Variants in ATP2C2 observed in about 807,000 individuals in gnomAD.
ATP2C2 encodes calcium-transporting ATPase type 2C member 2.
Under a neutral mutation model 110.8 loss-of-function variants are expected in ATP2C2, and 171 were observed. The ratio of observed to expected loss-of-function variants is 1.54; its 90% confidence interval spans 1.36 to 1.75. The LOEUF (loss-of-function observed/expected upper bound fraction) is 1.75. Ranked by LOEUF, ATP2C2 falls within the 40% of genes most tolerant of loss-of-function variation. The probability of loss-of-function intolerance (pLI) is 0.00; values close to 1 mark genes in which losing one functional copy is unlikely to be tolerated. For missense variants in ATP2C2, 1,963 were observed against 1,235.0 expected (o/e 1.59, Z -8.84); for synonymous variants, 804 against 508.4 (o/e 1.58, Z -7.82).
chr16:84,425,821 C>A lies in ATP2C2; in HGVS notation c.986+20C>A. The stretch of plus-strand genomic sequence containing the variant: ...GGTCAGGTAAGAGTGCTATGGCCGC[C>A]CCTTGCCTTGCCAGGGTGGTCAATG... On this transcript the variant is annotated intron_variant, in intron 11 of 26. Coordinates refer to ENST00000262429, the MANE Select transcript of ATP2C2 (RefSeq NM_014861.4). The A allele has an allele frequency of 6.2e-7, 1 of 1,613,582 alleles. No individual in the cohort carries two copies. Among genetic ancestry groups the A allele is most frequent in the Non-Finnish European group, 8.5e-7 (1 of 1,179,552 alleles).
At chr16:84,461,605 G>C (rs575675686) in intron 24 of ATP2C2, 109 bp from the exon 25 acceptor site, 14 of 951,072 alleles carry the variant, frequency 1.5e-5, no homozygotes, top group African/African-American at 1.4e-4. Context: ...GAGCTTGTAA[G>C]TGGCTCCCAG....
intron 21 of ATP2C2, among the ~76,000 whole-genome samples, chr16:84,456,499 A>T (rs1910800794): frequency 7.6e-6 from 1 of 132,074 alleles, no homozygotes; most frequent in Non-Finnish European, 1.6e-5. Context: ...CAGGGCAATC[A>T]GGCAGGAGAA....
chr16:84,394,783 G>T (rs1339872850), intron 1 of ATP2C2, among the ~76,000 whole-genome samples: 1 of 152,082 alleles, frequency 6.6e-6, no homozygotes, highest in African/African-American at 2.4e-5. Context: ...TCTCCACATG[G>T]ACTTCCCTGT....
chr16:84,380,336 C>T lies in ATP2C2; in HGVS notation c.99+11622C>T, dbSNP rs111323347. On this transcript the variant is annotated intron_variant, in intron 1 of 26. Transcript: ENST00000262429. ...TGTTTATCTACTATCTTGTGTGAAC[C>T]GGGAATTGTATGTTTTTTTTCTTCT... Among the ~76,000 whole-genome samples, 154 of 152,198 alleles carry T rather than the reference C, an allele frequency of 1.0e-3. 1 individual carries two copies. The highest frequency in any genetic ancestry group is 3.5e-3 in the African/African-American group (144 of 41,530).
Position 84,368,553 on chromosome 16 carries a change from G to A in ATP2C2, c.-63G>A, listed in dbSNP as rs1435602218. 3 of 1,322,432 alleles carry A rather than the reference G, an allele frequency of 2.3e-6. No homozygotes were observed. Among genetic ancestry groups the A allele is most frequent in the African/African-American group, 3.1e-5 (2 of 64,198 alleles). The allele number at this position is 1,322,432 out of a possible 1,614,324, so 81.9% of individuals were successfully genotyped here. A position where few individuals can be genotyped will look rare whatever the true frequency, so the allele number is the denominator to read the frequency against. ...GGTCCGGCCCAGGAGGCTTGGGCGCGCGCAGCCATCCCGGGCCTCGCCGGG... is the reference window on the plus strand; with the variant it reads ...GGTCCGGCCCAGGAGGCTTGGGCGCACGCAGCCATCCCGGGCCTCGCCGGG... On this transcript the variant is annotated 5_prime_UTR_variant, in exon 1 of 27. Transcript: ENST00000262429.
intron 24 of ATP2C2, chr16:84,461,286 T>C (rs2150600917): frequency 3.4e-6 from 1 of 294,910 alleles, no homozygotes. Context: ...ACACCACAGA[T>C]TGCCCATGTG....
chr16:84,409,373 A>C (rs1228915097), intron 4 of ATP2C2, among the ~76,000 whole-genome samples: 1 of 152,202 alleles, frequency 6.6e-6, no homozygotes, highest in Non-Finnish European at 1.5e-5. Flanking sequence ...TGGGTGCAGC[A>C]AACCAGCGTG....
chr16:84,390,005 G>A (rs1019490368), intron 1 of ATP2C2, among the ~76,000 whole-genome samples: 1 of 152,136 alleles, frequency 6.6e-6, no homozygotes, highest in Non-Finnish European at 1.5e-5. Flanking sequence ...TTACAGGCCT[G>A]AGCCACCATG....
chr16:84,443,686 C>G (rs1177761110), intron 15 of ATP2C2, among the ~76,000 whole-genome samples: 1 of 152,170 alleles, frequency 6.6e-6, no homozygotes, highest in Non-Finnish European at 1.5e-5. Context: ...GCTTACCTGT[C>G]CCATCACTGA....
chr16:84,404,598 C>G (rs547553537), intron 2 of ATP2C2: 1 of 254,578 alleles, frequency 3.9e-6, no homozygotes, highest in African/African-American at 2.3e-5. Context: ...TCATTCATCC[C>G]TTGAAAGATT....
intron 5 of ATP2C2, 42 bp downstream of exon 5, chr16:84,410,645 G>T (rs1906195082): frequency 1.2e-6 from 2 of 1,613,810 alleles, no homozygotes; most frequent in Middle Eastern, 1.6e-4. Flanking sequence ...AGCTGGGCGG[G>T]ACAGGAGCTT....
At chr16:84,437,004 G>A (rs887980258) in intron 11 of ATP2C2, among the ~76,000 whole-genome samples, 3 of 151,440 alleles carry the variant, frequency 2.0e-5, no homozygotes, top group Non-Finnish European at 2.9e-5. Flanking sequence ...TCAGGTGATC[G>A]AGGCGCCTCA....
intron 1 of ATP2C2, among the ~76,000 whole-genome samples, chr16:84,381,558 C>CAG (rs1910580202): frequency 6.6e-6 from 1 of 151,950 alleles, no homozygotes; most frequent in Non-Finnish European, 1.5e-5. Context: ...GCCTGGACGA[C>CAG]AGAGCAAGAC....
intron 3 of ATP2C2, among the ~76,000 whole-genome samples, chr16:84,407,931 T>G (rs1905920557): frequency 6.6e-6 from 1 of 152,230 alleles, no homozygotes; most frequent in Non-Finnish European, 1.5e-5. Flanking sequence ...AAAAATCTTC[T>G]CAGGAAGTTT....
chr16:84,414,825 T>G (rs1311172840), intron 6 of ATP2C2, among the ~76,000 whole-genome samples: 1 of 152,084 alleles, frequency 6.6e-6, no homozygotes. Flanking sequence ...TTGAGTTTGG[T>G]ACCAGGGTCA....
intron 1 of ATP2C2, 21 bp downstream of exon 1, chr16:84,368,735 GC>G: frequency 6.7e-7 from 1 of 1,492,120 alleles, no homozygotes; most frequent in East Asian, 2.8e-5. Flanking sequence ...GCGACTCCGC[GC>G]CGGGCGTGCG....
At chr16:84,386,720 G>A (rs1449390443) in intron 1 of ATP2C2, among the ~76,000 whole-genome samples, 1 of 152,140 alleles carries the variant, frequency 6.6e-6, no homozygotes, top group African/African-American at 2.4e-5. Flanking sequence ...AATTTCAGAA[G>A]CCCTTCCTCA....
intron 7 of ATP2C2, among the ~76,000 whole-genome samples, chr16:84,418,720 G>A (rs1057381746): frequency 3.9e-5 from 6 of 152,174 alleles, no homozygotes; most frequent in East Asian, 1.9e-4. Context: ...CCCCCAGGAC[G>A]TTCTCTCTCT....
Position 84,370,874 on chromosome 16 carries a change from T to A in ATP2C2, c.99+2160T>A, listed in dbSNP as rs561229145. 1.2e-3 allele frequency among the ~76,000 whole-genome samples: 183 copies of A among 152,250 alleles called. 1 individual carries two copies. Among genetic ancestry groups the A allele is most frequent in the African/African-American group, 4.0e-3 (168 of 41,560 alleles). On this transcript the variant is annotated intron_variant, in intron 1 of 26. Transcript: ENST00000262429. The stretch of plus-strand genomic sequence containing the variant: ...TGATTGTTACTGAGAACTTGCTGTG[T>A]CTTCTCTTGGGCCTCTTACCTCCAA...
Sources: gnomAD v4.1 joint callset for allele counts (sites outside exome capture counted in the v4.1 genomes callset) on GRCh38, gnomAD v4.1.1 for gene constraint, MANE v1.5 for transcripts, NCBI Gene and HGNC (gene_info 2026-07-23, HGNC 2026-07-21) for gene names.